MAF: variants seen among roughly 807,000 people sequenced by gnomAD.
The protein encoded by MAF is transcription factor Maf.
A neutral mutation model predicts 22.0 loss-of-function variants in MAF; 10 were observed. The ratio of observed to expected loss-of-function variants is 0.45; its 90% confidence interval spans 0.28 to 0.77. The LOEUF is 0.77. Ranked by LOEUF, MAF falls within the 30% of genes least tolerant of loss-of-function variation. The pLI is 0.12. For synonymous variants in MAF, 337 were observed against 255.8 expected (o/e 1.32, Z -3.03); for missense variants, 544 against 548.4 (o/e 0.99, Z 0.08).
chr16:79,487,083 T>G, the MAF span, among the ~76,000 whole-genome samples: 1 of 152,072 alleles, frequency 6.6e-6, no homozygotes, highest in Non-Finnish European at 1.5e-5. Flanking sequence ...TATTGAAATC[T>G]CCTCCAAAAC....
At chr16:79,546,340 A>G in the MAF span, among the ~76,000 whole-genome samples, 1 of 152,148 alleles carries the variant, frequency 6.6e-6, no homozygotes, top group African/African-American at 2.4e-5. Context: ...TCCATCCTGA[A>G]ACTAGTTTTA....
At chr16:79,520,758 G>A in the MAF span, among the ~76,000 whole-genome samples, 1 of 152,088 alleles carries the variant, frequency 6.6e-6, no homozygotes, top group Non-Finnish European at 1.5e-5. Flanking sequence ...GTGTATTTCT[G>A]CACCTGAAAG....
chr16:79,260,546 G>A, the MAF span, among the ~76,000 whole-genome samples: 6 of 150,670 alleles, frequency 4.0e-5, no homozygotes, highest in African/African-American at 9.7e-5. Flanking sequence ...AACACTATGA[G>A]AGCAGGGATT....
the MAF span, among the ~76,000 whole-genome samples, chr16:79,391,898 GCA>G: frequency 1.3e-5 from 1 of 74,182 alleles, no homozygotes; most frequent in African/African-American, 3.5e-5. Flanking sequence ...AGGAGGAGGA[GCA>G]GGAGGAGGAG....
At chr16:79,531,327 A>G in the MAF span, among the ~76,000 whole-genome samples, 1 of 152,296 alleles carries the variant, frequency 6.6e-6, no homozygotes, top group African/African-American at 2.4e-5. Flanking sequence ...TCTCTAGAGC[A>G]GCACTCCCCA....
chr16:79,232,572 G>A, the MAF span, among the ~76,000 whole-genome samples: 1 of 151,958 alleles, frequency 6.6e-6, no homozygotes, highest in Non-Finnish European at 1.5e-5. Flanking sequence ...AATATTAGAA[G>A]GACATTTCAG....
chr16:79,418,918 C>T, the MAF span, among the ~76,000 whole-genome samples: 5 of 152,094 alleles, frequency 3.3e-5, no homozygotes, highest in Non-Finnish European at 5.9e-5. Context: ...GCTGCCTTCC[C>T]CATAATAAAA....
At chr16:79,216,811 CTTTT>C in the MAF span, among the ~76,000 whole-genome samples, 3 of 140,934 alleles carry the variant, frequency 2.1e-5, no homozygotes, top group Non-Finnish European at 4.7e-5. Flanking sequence ...CTATCTGCTA[CTTTT>C]TTTTTTTTTT....
chr16:79,344,106 C>T, the MAF span, among the ~76,000 whole-genome samples: 2 of 152,192 alleles, frequency 1.3e-5, no homozygotes. Context: ...TTTCCTGACA[C>T]TCCCTGGAAG....
chr16:79,495,201 C>T, the MAF span, among the ~76,000 whole-genome samples: 1 of 152,104 alleles, frequency 6.6e-6, no homozygotes, highest in African/African-American at 2.4e-5. Flanking sequence ...GTGGCTCATG[C>T]CTGTAATCCC....
the MAF span, among the ~76,000 whole-genome samples, chr16:79,408,838 G>C: frequency 6.6e-6 from 1 of 152,220 alleles, no homozygotes; most frequent in Admixed American, 6.5e-5. Context: ...CTTCATTCCA[G>C]CTTTGTTAAG....
At chr16:79,283,711 C>G in the MAF span, among the ~76,000 whole-genome samples, 2 of 152,156 alleles carry the variant, frequency 1.3e-5, no homozygotes, top group African/African-American at 4.8e-5. Flanking sequence ...TGGGTTAGCT[C>G]TGACAAAGGA....
the MAF span, among the ~76,000 whole-genome samples, chr16:79,445,797 C>T: frequency 0.78 from 118,495 of 152,198 alleles, 47,335 homozygotes; most frequent in East Asian, 0.97. Context: ...TTTATTATTA[C>T]AATTGCTCCT....
chr16:79,510,625 C>T, the MAF span, among the ~76,000 whole-genome samples: 2 of 152,304 alleles, frequency 1.3e-5, no homozygotes, highest in East Asian at 3.9e-4. Context: ...TACTGTCATA[C>T]CCAGAAGACT....
downstream of MAF, among the ~76,000 whole-genome samples, chr16:79,584,343 T>G (rs1028412338): frequency 6.6e-6 from 1 of 152,206 alleles, no homozygotes; most frequent in Non-Finnish European, 1.5e-5. Flanking sequence ...TATTGAACTT[T>G]TCATATATCA....
chr16:79,290,751 A>G, the MAF span, among the ~76,000 whole-genome samples: 2 of 152,022 alleles, frequency 1.3e-5, no homozygotes, highest in East Asian at 3.9e-4. Context: ...TTTGGAATCT[A>G]GAATACCGTC....
At chr16:79,387,544 A>G in the MAF span, among the ~76,000 whole-genome samples, 386 of 152,216 alleles carry the variant, frequency 2.5e-3, no homozygotes, top group Middle Eastern at 6.8e-3. Context: ...TTGTTGGGTA[A>G]GGCAATGGCG....
the MAF span, among the ~76,000 whole-genome samples, chr16:79,302,810 A>G: frequency 6.6e-6 from 1 of 152,250 alleles, no homozygotes; most frequent in African/African-American, 2.4e-5. Context: ...CAGCATTGCC[A>G]CCAGTGTGCA....
At chr16:79,441,352 A>G in the MAF span, among the ~76,000 whole-genome samples, 10 of 152,318 alleles carry the variant, frequency 6.6e-5, no homozygotes, top group South Asian at 1.9e-3. Flanking sequence ...GGGGAAAGAG[A>G]AGGTATAGAA....
Sources: allele counts gnomAD v4.1 joint callset (sites outside exome capture counted in the v4.1 genomes callset), GRCh38; gene constraint gnomAD v4.1.1; transcripts MANE v1.5; gene names NCBI Gene and HGNC (gene_info 2026-07-23, HGNC 2026-07-21).